ASH1L: variants seen among roughly 807,000 people sequenced by gnomAD.
The protein encoded by ASH1L is histone-lysine N-methyltransferase ASH1L.
Under a neutral mutation model 269.0 loss-of-function variants are expected in ASH1L, and 23 were observed. That is an observed-to-expected ratio of 0.09 (90% confidence interval 0.06 to 0.12). The LOEUF (loss-of-function observed/expected upper bound fraction) is 0.12, where lower values mean the gene tolerates loss of function less well. Among genes scored for constraint, ASH1L ranks in the 10% least tolerant of loss-of-function variants. The pLI is 1.00. For synonymous variants in ASH1L, 1,187 were observed against 1,253.5 expected, an observed-to-expected ratio of 0.95 and a Z score of 1.12; for missense variants, 2,912 against 3,567.8, an observed-to-expected ratio of 0.82 and a Z score of 4.68.
chr1:155,531,639 AT>A (rs140048494), intron 1 of ASH1L, among the ~76,000 whole-genome samples: 3,099 of 152,208 alleles, frequency 0.02, 104 homozygotes, highest in African/African-American at 0.071. Flanking sequence ...GAAAACATTT[AT>A]TTCCCCCCCT....
In ASH1L at chr1:155,410,678, T is replaced by C. The variant is rs780609791; in HGVS notation, c.6008+5066A>G. ...TGTTGTATGATATTACAACAGTAGA[T>C]ACATGTCAGTATACATTTGTCGAAA... is the stretch of plus-strand genomic sequence containing the variant. On this transcript the variant is annotated intron_variant, in intron 6 of 27. Transcript: ENST00000392403. 1.5e-4 allele frequency among the ~76,000 whole-genome samples: 23 copies of C among 150,584 alleles called. No individual in the cohort carries two copies. The East Asian group carries it at 2.5e-3, about 17-fold the overall frequency.
intron 5 of ASH1L, among the ~76,000 whole-genome samples, chr1:155,420,564 A>G (rs1362084500): frequency 6.6e-6 from 1 of 151,784 alleles, no homozygotes; most frequent in Non-Finnish European, 1.5e-5. Context: ...ATTTAAAAAA[A>G]AAAAGGCCAG....
chr1:155,506,867 G>A (rs754049643), intron 2 of ASH1L, among the ~76,000 whole-genome samples: 1 of 152,084 alleles, frequency 6.6e-6, no homozygotes, highest in Non-Finnish European at 1.5e-5. Context: ...GCTGAGGTAG[G>A]AGGATCGTTT....
intron 8 of ASH1L, among the ~76,000 whole-genome samples, chr1:155,379,571 AT>A (rs1304593883): frequency 6.6e-6 from 1 of 152,246 alleles, no homozygotes; most frequent in Non-Finnish European, 1.5e-5. Flanking sequence ...TTACCAATAT[AT>A]TTAAAGATTT....
At chr1:155,422,261 C>G (rs962057469) in intron 5 of ASH1L, among the ~76,000 whole-genome samples, 1 of 150,690 alleles carries the variant, frequency 6.6e-6, no homozygotes, top group Non-Finnish European at 1.5e-5. Context: ...CTCAGCCTCC[C>G]GAGTAGCTGG....
At chr1:155,482,477 A>C (rs1384879290) in intron 2 of ASH1L, 28 bp from the exon 3 acceptor site, 1 of 1,579,434 alleles carries the variant, frequency 6.3e-7, no homozygotes, top group East Asian at 2.2e-5. Context: ...AAAAAGTTAA[A>C]GAGGGAGTAA....
intron 2 of ASH1L, among the ~76,000 whole-genome samples, chr1:155,516,750 C>A (rs1465635703): frequency 6.6e-6 from 1 of 151,798 alleles, no homozygotes; most frequent in Non-Finnish European, 1.5e-5. Flanking sequence ...GGCAGCAAGA[C>A]CCTGTCTCTA....
chr1:155,411,570 TATAAATAAATAA>T, intron 6 of ASH1L, among the ~76,000 whole-genome samples: 1 of 72,130 alleles, frequency 1.4e-5, no homozygotes, highest in African/African-American at 5.1e-5. Context: ...TAAATATGAA[TATAAATAAATAA>T]ATAAATATAT....
intron 14 of ASH1L, 50 bp from the exon 15 acceptor site, chr1:155,357,460 A>G (rs959132529): frequency 5.0e-6 from 8 of 1,593,942 alleles, no homozygotes; most frequent in Non-Finnish European, 6.9e-6. Flanking sequence ...ATCAGTCAGA[A>G]ATAATCTCCA....
At chr1:155,404,091 G>A (rs1659073531) in intron 6 of ASH1L, among the ~76,000 whole-genome samples, 3 of 149,990 alleles carry the variant, frequency 2.0e-5, no homozygotes, top group Non-Finnish European at 3.0e-5. Flanking sequence ...ACCTGGGCAC[G>A]GTGGCTCACA....
At chr1:155,348,149 G>A (rs568498672) in intron 19 of ASH1L, among the ~76,000 whole-genome samples, 8 of 152,080 alleles carry the variant, frequency 5.3e-5, no homozygotes, top group African/African-American at 1.9e-4. Flanking sequence ...TTCCTGTCAC[G>A]GGCCTTCTTG....
Position 155,431,092 on chromosome 1 carries a change from T to C in ASH1L, c.5828+7235A>G, listed in dbSNP as rs1191982825. Reference sequence around the variant, plus strand: ...CCGGGCATGGTGGCAGGACCTGTAATCCCAGCTACTCCAGAGGCTGAGGCA... The same window carrying C: ...CCGGGCATGGTGGCAGGACCTGTAACCCCAGCTACTCCAGAGGCTGAGGCA... On this transcript the variant is annotated intron_variant, in intron 5 of 27. Transcript: ENST00000392403. Among the ~76,000 whole-genome samples the C allele has an allele frequency of 4.0e-5, 6 of 151,862 alleles. No homozygotes were observed. The South Asian group carries it at 8.3e-4, about 21-fold the overall frequency.
chr1:155,383,039 C>A (rs1408160117), intron 7 of ASH1L, among the ~76,000 whole-genome samples: 1 of 151,826 alleles, frequency 6.6e-6, no homozygotes. Context: ...TCGCTTTTAA[C>A]TAAAAAAGTT....
intron 5 of ASH1L, chr1:155,433,987 C>G: frequency 1.3e-6 from 2 of 1,584,220 alleles, no homozygotes; most frequent in Non-Finnish European, 1.7e-6. Context: ...AGCTTGGGCT[C>G]GAGAAGGATG....
At chr1:155,446,720 C>G (rs1443610460) in intron 4 of ASH1L, among the ~76,000 whole-genome samples, 1 of 149,586 alleles carries the variant, frequency 6.7e-6, no homozygotes, top group Non-Finnish European at 1.5e-5. Flanking sequence ...CTCCTGGGTT[C>G]ACACCATTCT....
At chr1:155,496,811 T>A (rs931263703) in intron 2 of ASH1L, among the ~76,000 whole-genome samples, 5 of 151,966 alleles carry the variant, frequency 3.3e-5, no homozygotes, top group Non-Finnish European at 7.4e-5. Flanking sequence ...GCTATTTTTT[T>A]TTTTTAATTT....
intron 1 of ASH1L, among the ~76,000 whole-genome samples, chr1:155,546,151 C>A (rs1201586669): frequency 1.7e-4 from 21 of 124,182 alleles, no homozygotes; most frequent in Non-Finnish European, 3.2e-4. Flanking sequence ...ACACGAGATT[C>A]CATCACCAAA....
At chr1:155,546,186 C>A (rs1481909885) in intron 1 of ASH1L, among the ~76,000 whole-genome samples, 2 of 145,554 alleles carry the variant, frequency 1.4e-5, no homozygotes, top group Non-Finnish European at 3.0e-5. Context: ...CAAAAATTAG[C>A]CAGGTGTGGT....
Position 155,366,891 on chromosome 1 carries a change from GT to G in ASH1L, c.6686+3612del, listed in dbSNP as rs1482024216. Among the ~76,000 whole-genome samples, 6 of 151,916 alleles carry G rather than the reference GT, an allele frequency of 3.9e-5. No individual in the cohort carries two copies. The East Asian group carries it at 1.2e-3, about 29-fold the overall frequency. On this transcript the variant is annotated intron_variant, in intron 12 of 27. Transcript: ENST00000392403. ...TTCAGTCATCATGTTGGCTAGGGTG[GT>G]CTCGAACTCCTGACCTCAGGCAATC...
Sources: gnomAD v4.1 joint callset for allele counts (sites outside exome capture counted in the v4.1 genomes callset) on GRCh38, gnomAD v4.1.1 for gene constraint, MANE v1.5 for transcripts, NCBI Gene and HGNC (gene_info 2026-07-23, HGNC 2026-07-21) for gene names.